The following TAFA1 variants were observed in gnomAD, a reference collection of about 807,000 sequenced individuals.
TAFA1 encodes the protein TAFA chemokine like family member 1, also known as chemokine-like protein TAFA-1.
A neutral mutation model predicts 18.5 loss-of-function variants in TAFA1; 4 were observed. The observed-to-expected ratio is 0.22, with a 90% CI of 0.11 to 0.49. TAFA1 has a LOEUF of 0.49. Ranked by LOEUF, TAFA1 falls within the 20% of genes least tolerant of loss-of-function variation. TAFA1 has a pLI of 0.98. For missense variants in TAFA1, 147 were observed against 169.0 expected, an observed-to-expected ratio of 0.87 and a Z score of 0.72; for synonymous variants, 56 against 55.2, an observed-to-expected ratio of 1.01 and a Z score of -0.06.
chr3:68,470,641 T>G (rs2071980276), intron 3 of TAFA1, among the ~76,000 whole-genome samples: 1 of 152,230 alleles, frequency 6.6e-6, no homozygotes, highest in Non-Finnish European at 1.5e-5. Context: ...TGTGGAACTT[T>G]GAACTTGAGG....
intron 2 of TAFA1, among the ~76,000 whole-genome samples, chr3:68,346,980 A>G (rs1197199401): frequency 6.7e-6 from 1 of 149,860 alleles, no homozygotes; most frequent in African/African-American, 2.4e-5. Flanking sequence ...AACTAGTTCC[A>G]TCCCTTTTCT....
chr3:68,077,585 T>C (rs2064842748), intron 2 of TAFA1, among the ~76,000 whole-genome samples: 1 of 151,678 alleles, frequency 6.6e-6, no homozygotes, highest in African/African-American at 2.4e-5. Flanking sequence ...CCATTGCTTG[T>C]TTTTCTCAGG....
chr3:68,545,203 T>G lies in TAFA1; in HGVS notation c.*700T>G, dbSNP rs2073439065. The G allele has an allele frequency of 6.6e-6, 1 of 152,582 alleles. No homozygotes were observed. Among genetic ancestry groups the G allele is most frequent in the South Asian group, 2.1e-4 (1 of 4,830 alleles). The allele number at this position is 152,582 out of a possible 1,614,324, so 9.5% of individuals were successfully genotyped here. A position where few individuals can be genotyped will look rare whatever the true frequency, so the allele number is the denominator to read the frequency against. On this transcript the variant is annotated 3_prime_UTR_variant, in exon 5 of 5. Transcript: ENST00000478136. ...ATATTCAATTGATATATAATAACCG[T>G]TCTAACCTCTTCCAGGAAAATATTT... is the stretch of plus-strand genomic sequence containing the variant.
chr3:68,401,987 T>C (rs2070502706), intron 2 of TAFA1, among the ~76,000 whole-genome samples: 1 of 152,182 alleles, frequency 6.6e-6, no homozygotes, highest in African/African-American at 2.4e-5. Context: ...GCAATAATAC[T>C]AAGAACAAAC....
intron 2 of TAFA1, among the ~76,000 whole-genome samples, chr3:68,353,988 C>T (rs1471638639): frequency 2.0e-5 from 3 of 151,986 alleles, no homozygotes; most frequent in Non-Finnish European, 4.4e-5. Context: ...AAATGTGGTG[C>T]TTGGATTGGA....
intron 2 of TAFA1, among the ~76,000 whole-genome samples, chr3:68,359,773 C>T (rs542254933): frequency 1.3e-5 from 2 of 151,924 alleles, no homozygotes; most frequent in Admixed American, 1.3e-4. Context: ...AACTAAGCCA[C>T]CAAATGCCCC....
intron 2 of TAFA1, among the ~76,000 whole-genome samples, chr3:68,220,269 C>T (rs2066713258): frequency 6.6e-6 from 1 of 152,154 alleles, no homozygotes; most frequent in South Asian, 2.1e-4. Flanking sequence ...AGATTGTCTG[C>T]AAAACAAGGC....
chr3:68,318,103 A>G (rs1376744541), intron 2 of TAFA1, among the ~76,000 whole-genome samples: 3 of 152,226 alleles, frequency 2.0e-5, no homozygotes, highest in Non-Finnish European at 4.4e-5. Flanking sequence ...TGTTAGTTTT[A>G]TAGTACATGT....
intron 2 of TAFA1, among the ~76,000 whole-genome samples, chr3:68,071,938 C>T (rs758009290): frequency 2.4e-4 from 36 of 152,100 alleles, no homozygotes; most frequent in East Asian, 1.9e-4. Flanking sequence ...TCCCACCAGA[C>T]CCCACCTCCA....
intron 2 of TAFA1, among the ~76,000 whole-genome samples, chr3:68,223,855 C>T (rs754616976): frequency 1.3e-5 from 2 of 152,018 alleles, no homozygotes; most frequent in Non-Finnish European, 2.9e-5. Context: ...CTGGGAATCA[C>T]CATGCTTTAT....
chr3:68,400,126 G>T (rs1347409170), intron 2 of TAFA1, among the ~76,000 whole-genome samples: 1 of 152,162 alleles, frequency 6.6e-6, no homozygotes, highest in African/African-American at 2.4e-5. Flanking sequence ...GTTTGGCCAG[G>T]TCACAATCCC....
At chr3:68,090,651 C>T (rs184105317) in intron 2 of TAFA1, among the ~76,000 whole-genome samples, 171 of 152,216 alleles carry the variant, frequency 1.1e-3, no homozygotes, top group Non-Finnish European at 1.6e-3. Flanking sequence ...GTGACTATAA[C>T]CTCAGAGGGC....
Position 68,326,472 on chromosome 3 carries a change from T to C in TAFA1, c.119-90808T>C, listed in dbSNP as rs1004465456. Reference sequence around the variant, plus strand: ...TCATTGGTATTTCCCATTTAAGATATCATATGTTCACATCAGTCTTGGAAC... The same window carrying C: ...TCATTGGTATTTCCCATTTAAGATACCATATGTTCACATCAGTCTTGGAAC... On this transcript the variant is annotated intron_variant, in intron 2 of 4. Transcript: ENST00000478136. Among the ~76,000 whole-genome samples the C allele has an allele frequency of 2.0e-5, 3 of 152,176 alleles. No homozygotes were observed. The South Asian group carries it at 6.2e-4, about 32-fold the overall frequency.
chr3:68,000,535 T>C (rs7617291), upstream of TAFA1, among the ~76,000 whole-genome samples: 116,883 of 152,098 alleles, frequency 0.77, 45,470 homozygotes, highest in South Asian at 0.87. Context: ...GAGAAGTAGG[T>C]GGGTCAGTTC....
intron 2 of TAFA1, among the ~76,000 whole-genome samples, chr3:68,175,299 C>T (rs1485332296): frequency 1.3e-5 from 2 of 152,164 alleles, no homozygotes; most frequent in African/African-American, 4.8e-5. Flanking sequence ...GAGAAGAGGG[C>T]CACTGTCCTC....
chr3:68,057,914 A>G (rs535117734), intron 2 of TAFA1, among the ~76,000 whole-genome samples: 1 of 152,214 alleles, frequency 6.6e-6, no homozygotes, highest in Non-Finnish European at 1.5e-5. Flanking sequence ...TAGAACCTTC[A>G]GAAGGAGTGC....
At chr3:68,096,020 A>G (rs1053432784) in intron 2 of TAFA1, among the ~76,000 whole-genome samples, 64 of 152,070 alleles carry the variant, frequency 4.2e-4, no homozygotes, top group African/African-American at 1.5e-3. Context: ...TAACTGTTCT[A>G]TCTAACTGTG....
chr3:68,196,490 G>A (rs1269800936), intron 2 of TAFA1, among the ~76,000 whole-genome samples: 2 of 151,840 alleles, frequency 1.3e-5, no homozygotes, highest in Non-Finnish European at 3.0e-5. Flanking sequence ...CATTCTTTTA[G>A]TTGAGGAAAT....
chr3:68,345,264 G>T (rs554756754), intron 2 of TAFA1, among the ~76,000 whole-genome samples: 25 of 152,142 alleles, frequency 1.6e-4, no homozygotes, highest in Non-Finnish European at 2.9e-4. Context: ...ATGAAAGTGA[G>T]CAACCAGGGC....
Sources: gnomAD v4.1 joint callset for allele counts (sites outside exome capture counted in the v4.1 genomes callset) on GRCh38, gnomAD v4.1.1 for gene constraint, MANE v1.5 for transcripts, NCBI Gene and HGNC (gene_info 2026-07-23, HGNC 2026-07-21) for gene names.